Variants in PIWIL3 observed in about 807,000 individuals in gnomAD.
The protein encoded by PIWIL3 is piwi-like protein 3.
A neutral mutation model predicts 109.7 loss-of-function variants in PIWIL3; 101 were observed. That is an observed-to-expected ratio of 0.92 (90% CI 0.78 to 1.09). The LOEUF is 1.09. PIWIL3 is among the 50% of genes least tolerant of loss of function. The probability of loss-of-function intolerance (pLI) is 0.00; values close to 1 mark genes in which losing one functional copy is unlikely to be tolerated. For missense variants in PIWIL3, 1,031 were observed against 1,072.6 expected (o/e 0.96, Z 0.54); for synonymous variants, 373 against 376.4 (o/e 0.99, Z 0.10).
chr22:24,772,748 G>A (rs1481938806), intron 1 of PIWIL3, among the ~76,000 whole-genome samples: 1 of 152,186 alleles, frequency 6.6e-6, no homozygotes, highest in South Asian at 2.1e-4. Flanking sequence ...GCATCTAGTG[G>A]ACTAGAAGGA....
intron 14 of PIWIL3, among the ~76,000 whole-genome samples, chr22:24,733,133 G>A (rs779526626): frequency 1.3e-5 from 2 of 152,080 alleles, no homozygotes; most frequent in African/African-American, 2.4e-5. Flanking sequence ...ATCCTACAAG[G>A]GTTCCCTAGG....
At chr22:24,729,105 G>A (rs1393902245) in intron 14 of PIWIL3, among the ~76,000 whole-genome samples, 1 of 152,170 alleles carries the variant, frequency 6.6e-6, no homozygotes. Flanking sequence ...ATGGGAAGTT[G>A]CATAAGGGGG....
At chr22:24,726,954 G>A (rs1400541716) in intron 16 of PIWIL3, among the ~76,000 whole-genome samples, 2 of 152,216 alleles carry the variant, frequency 1.3e-5, no homozygotes, top group African/African-American at 4.8e-5. Context: ...AAGGTGCAGT[G>A]TGGTTTCTAC....
chr22:24,752,984 A>G (rs1210559826), intron 8 of PIWIL3, among the ~76,000 whole-genome samples: 1 of 152,236 alleles, frequency 6.6e-6, no homozygotes, highest in Admixed American at 6.5e-5. Flanking sequence ...TATCTGGAGA[A>G]GTATCTAATC....
intron 2 of PIWIL3, chr22:24,761,933 G>A: frequency 1.0e-6 from 1 of 985,668 alleles, no homozygotes; most frequent in Non-Finnish European, 1.2e-6. Flanking sequence ...GAGGTTGTCA[G>A]ATGGGGCCCC....
chr22:24,729,288 T>TG (rs1348843725), intron 14 of PIWIL3, among the ~76,000 whole-genome samples: 1 of 152,096 alleles, frequency 6.6e-6, no homozygotes, highest in Non-Finnish European at 1.5e-5. Flanking sequence ...ACCTTACTCT[T>TG]GGTGTCCACA....
rs376528377 is a variant in PIWIL3 at position 24,724,102 on chromosome 22, C to T, written c.2231+785G>A. Among the ~76,000 whole-genome samples the T allele has an allele frequency of 9.5e-4, 145 of 152,292 alleles. 1 individual carries two copies. The highest frequency in any genetic ancestry group is 2.5e-3 in the African/African-American group (103 of 41,542). On this transcript the variant is annotated intron_variant, in intron 18 of 20. Transcript: ENST00000616349. ...TCTGCTACTGCCAGGTCCAATTCTG[C>T]TTTGCATTCTGACTTGCGTGTGGAA...
chr22:24,719,882 TAA>T lies in PIWIL3; in HGVS notation c.2369_2370del (p.Phe790TyrfsTer17). 1 of 1,609,910 alleles carries T rather than the reference TAA, an allele frequency of 6.2e-7. No individual in the cohort carries two copies. The highest frequency in any genetic ancestry group is 8.5e-7 in the Non-Finnish European group (1 of 1,177,396). On this transcript the variant is annotated frameshift_variant, in exon 20 of 21. Coordinates refer to ENST00000616349, the MANE Select transcript of PIWIL3 (RefSeq NM_001255975.1). LOFTEE classifies it high-confidence loss of function. ...CCATCTTGCACAGACTGACTCACAA[TAA>T]AAAAGTCATACCTGGAAATATAGGA... is the stretch of plus-strand genomic sequence containing the variant. ...ELTRNEWYDF[F>X]IVSQSVQDGT...
At chr22:24,767,365 G>A (rs977984769) in intron 1 of PIWIL3, among the ~76,000 whole-genome samples, 15 of 133,944 alleles carry the variant, frequency 1.1e-4, no homozygotes, top group Admixed American at 3.7e-4. Flanking sequence ...GTGAAACCCC[G>A]TCTCTACTAA....
At chr22:24,758,113 A>T in intron 3 of PIWIL3, 74 bp from the exon 4 acceptor site, 1 of 1,489,758 alleles carries the variant, frequency 6.7e-7, no homozygotes, top group East Asian at 2.4e-5. Context: ...AACACCCAGC[A>T]TAAGTTTGTT....
intron 18 of PIWIL3, among the ~76,000 whole-genome samples, chr22:24,724,008 A>C (rs1013460032): frequency 2.0e-5 from 3 of 152,136 alleles, no homozygotes; most frequent in African/African-American, 7.2e-5. Flanking sequence ...ATCTGAATTT[A>C]ACAAGCCTTC....
chr22:24,757,489 C>G (rs116525617), intron 4 of PIWIL3, among the ~76,000 whole-genome samples: 2 of 151,720 alleles, frequency 1.3e-5, no homozygotes, highest in African/African-American at 4.8e-5. Context: ...AAGTTTTTAT[C>G]GAAAGTTTAA....
rs1924698879 is a variant in PIWIL3 at position 24,751,332 on chromosome 22, T to C, written c.1089+55A>G. On this transcript the variant is annotated intron_variant, in intron 9 of 20. Coordinates refer to ENST00000616349, the MANE Select transcript of PIWIL3 (RefSeq NM_001255975.1). ...GTTCAAGTAGCTAAATAACACAAAC[T>C]GAAATACATGAAGGTTTACAATTTA... The C allele has an allele frequency of 2.0e-6, 3 of 1,497,784 alleles. No individual in the cohort carries two copies. The Admixed American group carries it at 6.3e-5, about 31-fold the overall frequency. 92.8% of individuals were successfully genotyped at this position (1,497,784 alleles called of 1,614,324 possible).
At chr22:24,759,762 C>T (rs1319703823) in intron 3 of PIWIL3, 107 bp downstream of exon 3, 1 of 1,516,162 alleles carries the variant, frequency 6.6e-7, no homozygotes, top group African/African-American at 1.4e-5. Context: ...TCCCATCCCA[C>T]CAAACCTCAC....
intron 9 of PIWIL3, among the ~76,000 whole-genome samples, chr22:24,750,922 G>A (rs117701029): frequency 0.044 from 6,622 of 151,254 alleles, 205 homozygotes; most frequent in Middle Eastern, 0.085. Context: ...TCGGAAGCTC[G>A]AGGCCAGCCT....
chr22:24,757,098 A>AAAAAAAAAAAAAAAAAAAAAAAAAAAG (rs1555912998), intron 4 of PIWIL3, among the ~76,000 whole-genome samples: 1 of 146,450 alleles, frequency 6.8e-6, no homozygotes, highest in African/African-American at 2.6e-5. Flanking sequence ...AAAAAAAAAA[A>AAAAAAAAAAAAAAAAAAAAAAAAAAAG]AAAAGAAAAG....
At chr22:24,773,928 T>G (rs992264797) in intron 1 of PIWIL3, among the ~76,000 whole-genome samples, 1 of 152,098 alleles carries the variant, frequency 6.6e-6, no homozygotes, top group Admixed American at 6.5e-5. Context: ...TTGGCCAGGC[T>G]GGTCTTGAAC....
At chr22:24,754,995 T>A in intron 6 of PIWIL3, 131 bp from the exon 7 acceptor site, 1 of 687,858 alleles carries the variant, frequency 1.5e-6, no homozygotes, top group Non-Finnish European at 2.5e-6. Context: ...ACTTGTTAAC[T>A]AAGTTACATG....
chr22:24,754,909 T>C (rs369504400), intron 6 of PIWIL3, 45 bp from the exon 7 acceptor site: 16 of 1,518,684 alleles, frequency 1.1e-5, no homozygotes, highest in African/African-American at 1.4e-5. Flanking sequence ...CAGGGTACAT[T>C]ATTAAGCATT....
Sources: allele counts gnomAD v4.1 joint callset (sites outside exome capture counted in the v4.1 genomes callset), GRCh38; gene constraint gnomAD v4.1.1; transcripts MANE v1.5; gene names NCBI Gene and HGNC (gene_info 2026-07-23, HGNC 2026-07-21).